Variants in AK5 observed in about 807,000 individuals in gnomAD.
AK5 encodes adenylate kinase 5.
AK5 carries 27 observed loss-of-function variants against 69.5 expected under a neutral mutation model. That is an observed-to-expected ratio of 0.39 (90% CI 0.29 to 0.54). AK5 has a LOEUF of 0.54. Ranked by LOEUF, AK5 falls within the 20% of genes least tolerant of loss-of-function variation. The probability of loss-of-function intolerance (pLI) is 0.71; values close to 1 mark genes in which losing one functional copy is unlikely to be tolerated. For synonymous variants in AK5, 260 were observed against 244.4 expected (o/e 1.06, Z -0.60); for missense variants, 531 against 700.4 (o/e 0.76, Z 2.73).
intron 8 of AK5, among the ~76,000 whole-genome samples, chr1:77,461,486 T>C (rs1000165579): frequency 6.6e-6 from 1 of 151,640 alleles, no homozygotes; most frequent in Non-Finnish European, 1.5e-5. Flanking sequence ...AAGAAATCTA[T>C]TGTGGCCGGG....
At chr1:77,526,450 G>A (rs1047124131) in intron 12 of AK5, among the ~76,000 whole-genome samples, 9 of 149,930 alleles carry the variant, frequency 6.0e-5, no homozygotes, top group East Asian at 3.9e-4. Context: ...GTTTGGAAGC[G>A]ATGGGAATAA....
At chr1:77,290,062 C>T (rs1204387453) in intron 2 of AK5, among the ~76,000 whole-genome samples, 1 of 152,088 alleles carries the variant, frequency 6.6e-6, no homozygotes, top group East Asian at 1.9e-4. Flanking sequence ...ATTTTAGGTT[C>T]TCCATACCTA....
chr1:77,313,668 CCT>C (rs1660083480), intron 5 of AK5: 4 of 416,492 alleles, frequency 9.6e-6, no homozygotes, highest in Admixed American at 2.6e-5. Flanking sequence ...CCTGTCCTCC[CCT>C]GTCTCAGTTA....
At chr1:77,410,225 C>T (rs1053038904) in intron 6 of AK5, among the ~76,000 whole-genome samples, 2 of 151,532 alleles carry the variant, frequency 1.3e-5, no homozygotes, top group African/African-American at 4.9e-5. Context: ...CAGACCACAT[C>T]TATAATATTG....
chr1:77,363,165 C>A (rs1007081096), intron 6 of AK5, among the ~76,000 whole-genome samples: 5 of 152,156 alleles, frequency 3.3e-5, no homozygotes, highest in Non-Finnish European at 5.9e-5. Context: ...GCCTTCTCAG[C>A]CCCCAACACA....
rs140887113 is a variant in AK5 at position 77,512,280 on chromosome 1, C to T, written c.1148-6284C>T. Reference sequence around the variant, plus strand: ...GACAGAGAGAGAGAGAGATCGTGCACACACGGGTATATCTTAAGTACCTGC... The same window carrying T: ...GACAGAGAGAGAGAGAGATCGTGCATACACGGGTATATCTTAAGTACCTGC... On this transcript the variant is annotated intron_variant, in intron 10 of 13. Transcript: ENST00000354567. Among the ~76,000 whole-genome samples, 563 of 152,266 alleles carry T rather than the reference C, an allele frequency of 3.7e-3. 2 individuals are homozygous for T. The highest frequency in any genetic ancestry group is 0.013 in the African/African-American group (549 of 41,534).
intron 3 of AK5, among the ~76,000 whole-genome samples, chr1:77,296,221 G>T (rs867273215): frequency 1.3e-5 from 2 of 152,208 alleles, no homozygotes; most frequent in South Asian, 2.1e-4. Context: ...CAGCACTGCA[G>T]AATTTTTTTA....
At chr1:77,430,998 C>T (rs150122923) in intron 8 of AK5, among the ~76,000 whole-genome samples, 46 of 152,090 alleles carry the variant, frequency 3.0e-4, no homozygotes, top group African/African-American at 8.9e-4. Context: ...GTTCTCCAGC[C>T]CTGGTGGAGA....
chr1:77,416,694 G>A (rs1051829602), intron 7 of AK5, among the ~76,000 whole-genome samples: 9 of 152,090 alleles, frequency 5.9e-5, no homozygotes, highest in Admixed American at 2.6e-4. Flanking sequence ...AAGCAACATC[G>A]GGGACAGGTC....
intron 8 of AK5, among the ~76,000 whole-genome samples, chr1:77,459,868 C>G (rs115058239): frequency 0.012 from 1,840 of 152,134 alleles, 14 homozygotes; most frequent in Middle Eastern, 0.041. Context: ...AGTTGCTTAA[C>G]TGTGACTTCT....
intron 2 of AK5, among the ~76,000 whole-genome samples, chr1:77,292,989 A>T (rs769939805): frequency 1.3e-5 from 2 of 152,248 alleles, no homozygotes; most frequent in Non-Finnish European, 2.9e-5. Flanking sequence ...AATTACTCTT[A>T]ACACACTAAC....
intron 8 of AK5, among the ~76,000 whole-genome samples, chr1:77,433,232 A>G (rs78066030): frequency 6.6e-6 from 1 of 151,594 alleles, no homozygotes; most frequent in Admixed American, 6.6e-5. Context: ...ACAGGGGCAC[A>G]GCCTAATAAT....
chr1:77,314,224 G>A, intron 5 of AK5: 1 of 265,038 alleles, frequency 3.8e-6, no homozygotes, highest in East Asian at 1.0e-4. Flanking sequence ...CAAGTCACAT[G>A]TATCAAGAGG....
chr1:77,408,872 C>T (rs547255802), intron 6 of AK5, among the ~76,000 whole-genome samples: 17 of 152,106 alleles, frequency 1.1e-4, no homozygotes, highest in African/African-American at 3.9e-4. Flanking sequence ...GTATTAAGCC[C>T]GGTATCTAAT....
intron 8 of AK5, among the ~76,000 whole-genome samples, chr1:77,482,065 G>C (rs1163584167): frequency 6.6e-6 from 1 of 152,206 alleles, no homozygotes; most frequent in Non-Finnish European, 1.5e-5. Flanking sequence ...TTATAGAATA[G>C]TATTATATCG....
intron 8 of AK5, among the ~76,000 whole-genome samples, chr1:77,471,118 G>A (rs1021217603): frequency 6.6e-6 from 1 of 151,250 alleles, no homozygotes; most frequent in Non-Finnish European, 1.5e-5. Flanking sequence ...TCCTGACCTC[G>A]TGATCCACCC....
intron 6 of AK5, among the ~76,000 whole-genome samples, chr1:77,355,247 TG>T (rs1267982936): frequency 6.6e-6 from 1 of 152,220 alleles, no homozygotes; most frequent in Non-Finnish European, 1.5e-5. Context: ...GCAGCGTACT[TG>T]TGATTGCTGG....
At chr1:77,323,334 A>G (rs1660631723) in intron 5 of AK5, among the ~76,000 whole-genome samples, 1 of 152,190 alleles carries the variant, frequency 6.6e-6, no homozygotes, top group Non-Finnish European at 1.5e-5. Context: ...TTTCCCATGC[A>G]TGTAAAAGAG....
intron 2 of AK5, among the ~76,000 whole-genome samples, chr1:77,290,710 G>A (rs1260716404): frequency 6.6e-6 from 1 of 152,100 alleles, no homozygotes; most frequent in Non-Finnish European, 1.5e-5. Flanking sequence ...TTCAAAACCA[G>A]CACTTACTTC....
Sources: gnomAD v4.1 joint callset for allele counts (sites outside exome capture counted in the v4.1 genomes callset) on GRCh38, gnomAD v4.1.1 for gene constraint, MANE v1.5 for transcripts, NCBI Gene and HGNC (gene_info 2026-07-23, HGNC 2026-07-21) for gene names.